The following DLG2 variants were observed in gnomAD, a reference collection of about 807,000 sequenced individuals.
DLG2 encodes disks large homolog 2.
In DLG2, 45 loss-of-function variants were observed where a neutral mutation model predicts 132.5. The ratio of observed to expected loss-of-function variants is 0.34; its 90% CI spans 0.27 to 0.44. The LOEUF is 0.44. Ranked by LOEUF, DLG2 falls within the 20% of genes least tolerant of loss-of-function variation. The pLI is 1.00. For missense variants in DLG2, 1,045 were observed against 1,196.9 expected (o/e 0.87, Z 1.87); for synonymous variants, 424 against 419.6 (o/e 1.01, Z -0.13).
At chr11:84,466,493 T>G (rs1001356154) in intron 7 of DLG2, among the ~76,000 whole-genome samples, 2 of 151,142 alleles carry the variant, frequency 1.3e-5, no homozygotes, top group Non-Finnish European at 3.0e-5. Flanking sequence ...CACAAACGAC[T>G]ACATATAGAA....
chr11:85,325,142 T>C (rs1445426617), intron 3 of DLG2, among the ~76,000 whole-genome samples: 3 of 135,702 alleles, frequency 2.2e-5, no homozygotes, highest in Non-Finnish European at 4.8e-5. Context: ...ATCTCGCTGA[T>C]TGCTAGCACA....
At chr11:85,627,410 T>C (rs555508802), upstream of DLG2, 3 of 152,332 alleles carry the variant, frequency 2.0e-5, no homozygotes, top group Admixed American at 2.0e-4. Context: ...CAATGGGCAC[T>C]TGATGCAGGA....
At chr11:85,382,657 C>A (rs1473291149) in intron 3 of DLG2, among the ~76,000 whole-genome samples, 2 of 151,978 alleles carry the variant, frequency 1.3e-5, no homozygotes, top group Non-Finnish European at 1.5e-5. Flanking sequence ...AGAAAGACAA[C>A]TCAATTTATT....
chr11:83,928,911 G>A (rs979349326), intron 15 of DLG2, among the ~76,000 whole-genome samples: 1 of 152,156 alleles, frequency 6.6e-6, no homozygotes, highest in Admixed American at 6.5e-5. Flanking sequence ...CAGGTATGTG[G>A]CTCTTCTCAC....
At chr11:84,816,666 A>G (rs1261786059) in intron 6 of DLG2, among the ~76,000 whole-genome samples, 1 of 151,944 alleles carries the variant, frequency 6.6e-6, no homozygotes, top group African/African-American at 2.4e-5. Flanking sequence ...AGAAGGAAAC[A>G]GAGTTCAGTG....
At chr11:84,431,874 T>C (rs2098985776) in intron 7 of DLG2, among the ~76,000 whole-genome samples, 1 of 152,184 alleles carries the variant, frequency 6.6e-6, no homozygotes, top group South Asian at 2.1e-4. Context: ...ATTCATGATG[T>C]GTTATGGTTT....
intron 6 of DLG2, among the ~76,000 whole-genome samples, chr11:84,835,573 T>C (rs532834924): frequency 1.3e-5 from 2 of 151,770 alleles, no homozygotes; most frequent in Non-Finnish European, 2.9e-5. Context: ...TTAGTACATA[T>C]GACTTTCCGC....
chr11:85,122,847 CAT>C (rs2074491921), intron 5 of DLG2, among the ~76,000 whole-genome samples: 1 of 147,978 alleles, frequency 6.8e-6, no homozygotes, highest in Admixed American at 6.8e-5. Flanking sequence ...CACACACACA[CAT>C]AAATGCACAC....
At chr11:84,736,744 T>C (rs1565826004) in intron 6 of DLG2, among the ~76,000 whole-genome samples, 1 of 152,006 alleles carries the variant, frequency 6.6e-6, no homozygotes, top group Non-Finnish European at 1.5e-5. Context: ...CCTTTTATTC[T>C]GCAACATTGC....
intron 8 of DLG2, among the ~76,000 whole-genome samples, chr11:84,243,038 T>C (rs981806665): frequency 2.0e-5 from 3 of 151,212 alleles, no homozygotes; most frequent in South Asian, 4.2e-4. Context: ...TATATATATA[T>C]ACACTCTCAC....
chr11:83,634,026 CTAGT>C (rs2064158120), intron 18 of DLG2, among the ~76,000 whole-genome samples: 1 of 151,892 alleles, frequency 6.6e-6, no homozygotes, highest in Non-Finnish European at 1.5e-5. Context: ...AGGAGAGACT[CTAGT>C]TACTCTCAGC....
intron 6 of DLG2, among the ~76,000 whole-genome samples, chr11:84,994,066 A>T (rs755212134): frequency 2.6e-4 from 40 of 152,356 alleles, no homozygotes; most frequent in Non-Finnish European, 4.9e-4. Context: ...AAAATAATTT[A>T]AAAAAGTGAC....
intron 7 of DLG2, among the ~76,000 whole-genome samples, chr11:84,256,972 C>T (rs1282268946): frequency 1.3e-5 from 2 of 152,100 alleles, no homozygotes; most frequent in Non-Finnish European, 2.9e-5. Context: ...CGGGATGAGC[C>T]CCAGTCAGAC....
intron 7 of DLG2, among the ~76,000 whole-genome samples, chr11:84,331,976 T>C (rs1358289591): frequency 2.0e-5 from 3 of 152,166 alleles, no homozygotes; most frequent in Non-Finnish European, 4.4e-5. Flanking sequence ...TGCAAATTTA[T>C]TAGGACACAA....
rs148436649 is a variant in DLG2 at position 84,952,507 on chromosome 11, A to C, written c.357+159154T>G. ...ACTCCCGCCTGGGCGACAGAACGAG[A>C]CTCCGTCTCAAAAAGAAAAAGAATA... On this transcript the variant is annotated intron_variant, in intron 6 of 27. Transcript: ENST00000376104. Among the ~76,000 whole-genome samples, 283 of 150,974 alleles carry C rather than the reference A, an allele frequency of 1.9e-3. 3 individuals are homozygous for C. In the East Asian group the frequency reaches 0.028, roughly 15 times the overall value.
intron 7 of DLG2, among the ~76,000 whole-genome samples, chr11:84,455,436 A>G (rs1421400815): frequency 1.3e-5 from 2 of 151,180 alleles, no homozygotes; most frequent in African/African-American, 4.8e-5. Context: ...TTTCTACTCT[A>G]TTTTCTGCTG....
At chr11:84,600,151 A>AGAAAGGAG (rs1555082705) in intron 6 of DLG2, among the ~76,000 whole-genome samples, 1 of 109,922 alleles carries the variant, frequency 9.1e-6, no homozygotes, top group Non-Finnish European at 1.9e-5. Flanking sequence ...AAGGAAAGAA[A>AGAAAGGAG]GAAAGAAGGA....
At chr11:85,035,116 T>A (rs1165699823) in intron 6 of DLG2, among the ~76,000 whole-genome samples, 1 of 152,192 alleles carries the variant, frequency 6.6e-6, no homozygotes, top group Non-Finnish European at 1.5e-5. Flanking sequence ...CTTTATCTGG[T>A]GTTTCAGCCA....
chr11:84,652,549 A>C (rs1488462624), intron 6 of DLG2, among the ~76,000 whole-genome samples: 1 of 152,176 alleles, frequency 6.6e-6, no homozygotes, highest in Non-Finnish European at 1.5e-5. Flanking sequence ...TGTGTAAGGA[A>C]AGATTTTTTT....
Sources: gnomAD v4.1 joint callset for allele counts (sites outside exome capture counted in the v4.1 genomes callset) on GRCh38, gnomAD v4.1.1 for gene constraint, MANE v1.5 for transcripts, NCBI Gene and HGNC (gene_info 2026-07-23, HGNC 2026-07-21) for gene names.